The following EYA2 variants were observed in gnomAD, a reference collection of about 807,000 sequenced individuals.
The protein encoded by EYA2 is EYA transcriptional coactivator and phosphatase 2.
Under a neutral mutation model 69.2 loss-of-function variants are expected in EYA2, and 31 were observed. The observed-to-expected ratio is 0.45, with a 90% confidence interval of 0.34 to 0.60. EYA2 has a LOEUF of 0.60. EYA2 is among the 20% of genes least tolerant of loss of function. The pLI, the probability that EYA2 is intolerant of heterozygous loss-of-function variation, is 0.02. For synonymous variants in EYA2, 257 were observed against 279.4 expected, an observed-to-expected ratio of 0.92 and a Z score of 0.80; for missense variants, 622 against 701.2, an observed-to-expected ratio of 0.89 and a Z score of 1.28.
At chr20:46,970,309 T>G (rs1980061408) in intron 1 of EYA2, among the ~76,000 whole-genome samples, 1 of 152,232 alleles carries the variant, frequency 6.6e-6, no homozygotes, top group Non-Finnish European at 1.5e-5. Context: ...TAGGGTTTTC[T>G]GCTTGTTTAA....
intron 5 of EYA2, among the ~76,000 whole-genome samples, chr20:47,032,328 CAT>C (rs1984465475): frequency 6.6e-6 from 1 of 152,158 alleles, no homozygotes; most frequent in African/African-American, 2.4e-5. Context: ...TAGCTTTACA[CAT>C]GTCCCAGGAA....
At chr20:47,118,425 G>A (rs942143082) in intron 9 of EYA2, among the ~76,000 whole-genome samples, 6 of 151,970 alleles carry the variant, frequency 3.9e-5, no homozygotes, top group Non-Finnish European at 8.8e-5. Flanking sequence ...GCAAACATCT[G>A]CAGTTGTCAT....
At chr20:47,150,055 T>C (rs960043873) in intron 10 of EYA2, among the ~76,000 whole-genome samples, 5 of 152,118 alleles carry the variant, frequency 3.3e-5, no homozygotes, top group African/African-American at 1.2e-4. Context: ...GCTGGCATGG[T>C]GAGGGCAGTA....
chr20:47,042,288 AC>A (rs1378242731), intron 5 of EYA2, among the ~76,000 whole-genome samples: 2 of 152,148 alleles, frequency 1.3e-5, no homozygotes, highest in Non-Finnish European at 2.9e-5. Context: ...CAGGAGTTGG[AC>A]CCAAGCCGTC....
intron 2 of EYA2, among the ~76,000 whole-genome samples, chr20:46,991,296 G>C (rs562317972): frequency 3.3e-5 from 5 of 152,330 alleles, no homozygotes; most frequent in Admixed American, 3.3e-4. Context: ...GGGAATCCCA[G>C]CCCACTGCTT....
chr20:47,054,294 A>G (rs1217031554), intron 5 of EYA2, among the ~76,000 whole-genome samples: 1 of 152,172 alleles, frequency 6.6e-6, no homozygotes, highest in African/African-American at 2.4e-5. Context: ...TCTCATTCAC[A>G]TCTCTGTCTC....
At chr20:47,179,383 G>A (rs569603199) in intron 12 of EYA2, among the ~76,000 whole-genome samples, 3 of 149,604 alleles carry the variant, frequency 2.0e-5, no homozygotes, top group African/African-American at 2.5e-5. Flanking sequence ...GATATTGGGT[G>A]GATGGATGGA....
intron 1 of EYA2, among the ~76,000 whole-genome samples, chr20:46,925,873 C>T (rs910243575): frequency 2.0e-5 from 3 of 152,158 alleles, no homozygotes; most frequent in Non-Finnish European, 4.4e-5. Context: ...TTATTGCAGC[C>T]TTATTTGTAA....
chr20:46,985,729 G>A (rs1262286839), intron 1 of EYA2, among the ~76,000 whole-genome samples: 3 of 152,166 alleles, frequency 2.0e-5, no homozygotes, highest in African/African-American at 4.8e-5. Flanking sequence ...ACTGTTCAGT[G>A]CCAGCTGGTT....
At chr20:47,051,854 C>T (rs2030349753) in intron 5 of EYA2, among the ~76,000 whole-genome samples, 2 of 152,296 alleles carry the variant, frequency 1.3e-5, no homozygotes, top group South Asian at 2.1e-4. Flanking sequence ...TGTTGTTTTC[C>T]TTTTTGGCAG....
intron 7 of EYA2, among the ~76,000 whole-genome samples, chr20:47,081,632 A>G (rs2031721795): frequency 6.6e-6 from 1 of 151,666 alleles, no homozygotes; most frequent in Admixed American, 6.6e-5. Flanking sequence ...TACAAAAATT[A>G]GCCAGGCGTG....
intron 1 of EYA2, among the ~76,000 whole-genome samples, chr20:46,974,676 A>T (rs1178898051): frequency 6.6e-6 from 1 of 151,992 alleles, no homozygotes; most frequent in Non-Finnish European, 1.5e-5. Context: ...TTACAGGAAG[A>T]GTCCTTGGTG....
At chr20:46,926,095 A>G (rs993675579) in intron 1 of EYA2, among the ~76,000 whole-genome samples, 3 of 152,246 alleles carry the variant, frequency 2.0e-5, no homozygotes, top group Non-Finnish European at 4.4e-5. Flanking sequence ...TGCGGAGTGA[A>G]TAAGAATATA....
At chr20:47,180,717 C>A (rs771365988) in intron 13 of EYA2, 98 bp from the exon 14 acceptor site, 21 of 1,468,222 alleles carry the variant, frequency 1.4e-5, no homozygotes, top group Non-Finnish European at 1.9e-5. Flanking sequence ...AGCCTCCAAG[C>A]CTACCAGATT....
chr20:47,091,889 T>C (rs2032098165), intron 8 of EYA2, among the ~76,000 whole-genome samples: 1 of 152,216 alleles, frequency 6.6e-6, no homozygotes, highest in Non-Finnish European at 1.5e-5. Flanking sequence ...GCAAACATTT[T>C]AGAGTGCAGT....
chr20:47,137,254 G>A (rs985056099), intron 9 of EYA2, among the ~76,000 whole-genome samples: 7 of 152,074 alleles, frequency 4.6e-5, no homozygotes, highest in African/African-American at 9.7e-5. Flanking sequence ...TCATGTAAGT[G>A]GCATGTTAAA....
At chr20:47,107,389 G>A (rs542820770) in intron 9 of EYA2, among the ~76,000 whole-genome samples, 1 of 151,530 alleles carries the variant, frequency 6.6e-6, no homozygotes, top group South Asian at 2.1e-4. Flanking sequence ...GCCAGGCGTG[G>A]TGGTGGGCAC....
chr20:47,181,666 C>T (rs1040584459), intron 14 of EYA2, among the ~76,000 whole-genome samples: 1 of 152,038 alleles, frequency 6.6e-6, no homozygotes, highest in African/African-American at 2.4e-5. Context: ...AGCCACCGTG[C>T]CAAAATATTT....
intron 1 of EYA2, among the ~76,000 whole-genome samples, chr20:46,981,342 C>G (rs2146313385): frequency 6.6e-6 from 1 of 152,318 alleles, no homozygotes; most frequent in Non-Finnish European, 1.5e-5. Flanking sequence ...CATTCCTATA[C>G]TCTGTGGCTA....
Sources: allele counts gnomAD v4.1 joint callset (sites outside exome capture counted in the v4.1 genomes callset), GRCh38; gene constraint gnomAD v4.1.1; transcripts MANE v1.5; gene names NCBI Gene and HGNC (gene_info 2026-07-23, HGNC 2026-07-21).